The following SLC16A2 variants were observed in gnomAD, a reference collection of about 807,000 sequenced individuals.
SLC16A2 encodes the protein solute carrier family 16 member 2, also known as monocarboxylate transporter 8.
A neutral mutation model predicts 27.2 loss-of-function variants in SLC16A2; 3 were observed. The ratio of observed to expected loss-of-function variants is 0.11; its 90% CI spans 0.05 to 0.28. The LOEUF (loss-of-function observed/expected upper bound fraction) is 0.28, where lower values mean the gene tolerates loss of function less well. Among genes scored for constraint, SLC16A2 ranks in the 10% least tolerant of loss-of-function variants. The pLI, the probability that SLC16A2 is intolerant of heterozygous loss-of-function variation, is 1.00. For synonymous variants in SLC16A2, 202 were observed against 187.8 expected, an observed-to-expected ratio of 1.08 and a Z score of -0.62; for missense variants, 295 against 458.5, an observed-to-expected ratio of 0.64 and a Z score of 3.26.
intron 1 of SLC16A2, among the ~76,000 whole-genome samples, chrX:74,498,151 T>C (rs1379758713): frequency 9.0e-6 from 1 of 111,511 alleles, no homozygotes; most frequent in African/African-American, 3.3e-5. Context: ...GTAAAACTAA[T>C]GAAAGGCCAC....
intron 1 of SLC16A2, among the ~76,000 whole-genome samples, chrX:74,474,748 C>T (rs1209682506): frequency 3.0e-4 from 33 of 108,641 alleles, no homozygotes; most frequent in African/African-American, 9.0e-4. Context: ...TTTGTCCTTG[C>T]GATAGTTTGC....
At chrX:74,452,339 C>T (rs1928958705) in intron 1 of SLC16A2, among the ~76,000 whole-genome samples, 1 of 111,978 alleles carries the variant, frequency 8.9e-6, no homozygotes, top group African/African-American at 3.2e-5. Flanking sequence ...ATGCCAAAGG[C>T]TCAGGTACCT....
chrX:74,507,511 C>G lies in SLC16A2; in HGVS notation c.431-13479C>G, dbSNP rs777518817. Among the ~76,000 whole-genome samples, 3 of 111,464 alleles carry G rather than the reference C, an allele frequency of 2.7e-5. No homozygotes were observed. In the East Asian group the frequency reaches 8.5e-4, roughly 31 times the overall value. On this transcript the variant is annotated intron_variant, in intron 1 of 5. Transcript: ENST00000587091. ...CAGAACTACCATTCAATCCAGCAACCCTGCTACTGAGTATCTACTCAAAGG... is the reference window on the plus strand; with the variant it reads ...CAGAACTACCATTCAATCCAGCAACGCTGCTACTGAGTATCTACTCAAAGG...
rs779657001 is a variant in SLC16A2 at position 74,470,795 on chromosome X, G to A, written c.430+48728G>A. Among the ~76,000 whole-genome samples the A allele has an allele frequency of 1.1e-3, 127 of 110,593 alleles. 1 individual carries two copies. Among genetic ancestry groups the A allele is most frequent in the South Asian group, 2.7e-3 (7 of 2,574 alleles). On this transcript the variant is annotated intron_variant, in intron 1 of 5. Coordinates refer to ENST00000587091, the MANE Select transcript of SLC16A2 (RefSeq NM_006517.5). The stretch of plus-strand genomic sequence containing the variant: ...CTACTAAAAATACAAAAAATTAGCC[G>A]GGTGTGGTGGCGGCTACCTGTAGTC...
intron 1 of SLC16A2, among the ~76,000 whole-genome samples, chrX:74,430,007 G>C (rs1054539527): frequency 3.6e-5 from 4 of 111,959 alleles, no homozygotes; most frequent in African/African-American, 1.3e-4. Context: ...GTGGAGTTTC[G>C]TTGACATTTA....
chrX:74,440,214 C>T (rs1189332140), intron 1 of SLC16A2, among the ~76,000 whole-genome samples: 2 of 111,147 alleles, frequency 1.8e-5, no homozygotes, highest in Non-Finnish European at 3.8e-5. Flanking sequence ...AATTGGGACA[C>T]TTTTGAGGGT....
chrX:74,456,335 T>C (rs1220970652), intron 1 of SLC16A2, among the ~76,000 whole-genome samples: 1 of 111,343 alleles, frequency 9.0e-6, no homozygotes, highest in Admixed American at 9.6e-5. Context: ...TGAATTGAAA[T>C]ATGAGTTTCC....
chrX:74,422,534 G>A (rs1928327367), intron 1 of SLC16A2, among the ~76,000 whole-genome samples: 1 of 109,495 alleles, frequency 9.1e-6, no homozygotes, highest in Non-Finnish European at 1.9e-5. Flanking sequence ...GCAGCCCCCC[G>A]GTTCCTTTGG....
chrX:74,424,424 T>C (rs1225771462), intron 1 of SLC16A2, among the ~76,000 whole-genome samples: 1 of 111,524 alleles, frequency 9.0e-6, no homozygotes, highest in Admixed American at 9.5e-5. Context: ...TTTGCTGAGC[T>C]CTTCAACTTT....
chrX:74,449,117 C>A (rs1021070030), intron 1 of SLC16A2, among the ~76,000 whole-genome samples: 2 of 111,312 alleles, frequency 1.8e-5, no homozygotes, highest in Non-Finnish European at 3.8e-5. Context: ...CATTTTTGTG[C>A]GTTAAGATGA....
intron 1 of SLC16A2, among the ~76,000 whole-genome samples, chrX:74,509,583 A>C (rs1383355528): frequency 9.2e-6 from 1 of 108,869 alleles, no homozygotes; most frequent in Non-Finnish European, 1.9e-5. Flanking sequence ...CTTTTTTTTG[A>C]GATGGAGTCT....
In SLC16A2 at chrX:74,426,030, C is replaced by T. The variant is rs182324505; in HGVS notation, c.430+3963C>T. Among the ~76,000 whole-genome samples the T allele has an allele frequency of 3.3e-3, 369 of 111,819 alleles. 2 individuals are homozygous for T. Among genetic ancestry groups the T allele is most frequent in the African/African-American group, 0.012 (356 of 30,789 alleles). ...GCATGGGGAAGAATGATACACTCTG[C>T]CTTTGGGTGAACCAAGAGTCCCAAG... On this transcript the variant is annotated intron_variant, in intron 1 of 5. Coordinates refer to ENST00000587091, the MANE Select transcript of SLC16A2 (RefSeq NM_006517.5).
intron 1 of SLC16A2, among the ~76,000 whole-genome samples, chrX:74,458,330 T>C (rs1929071811): frequency 8.9e-6 from 1 of 111,923 alleles, no homozygotes; most frequent in Non-Finnish European, 1.9e-5. Context: ...ATTGTTTTGG[T>C]GTGGCGTAAA....
chrX:74,488,971 C>T (rs1929774229), intron 1 of SLC16A2, among the ~76,000 whole-genome samples: 1 of 111,336 alleles, frequency 9.0e-6, no homozygotes, highest in Admixed American at 9.6e-5. Context: ...TGGAAATTAC[C>T]CAGATACTTA....
chrX:74,521,428 C>G (rs781223255), intron 2 of SLC16A2, among the ~76,000 whole-genome samples: 7 of 112,270 alleles, frequency 6.2e-5, no homozygotes, highest in Non-Finnish European at 1.1e-4. Flanking sequence ...CACTGAATGG[C>G]AATGGAACAA....
chrX:74,528,461 C>T (rs1353659755), intron 4 of SLC16A2, among the ~76,000 whole-genome samples: 1 of 111,277 alleles, frequency 9.0e-6, no homozygotes, highest in Non-Finnish European at 1.9e-5. Flanking sequence ...AGCCCAGTGG[C>T]TAGTCAGTGT....
At chrX:74,511,504 C>A (rs1156950296) in intron 1 of SLC16A2, among the ~76,000 whole-genome samples, 4 of 112,477 alleles carry the variant, frequency 3.6e-5, no homozygotes, top group African/African-American at 1.3e-4. Flanking sequence ...ATATGGAATG[C>A]TTGGAAAGTA....
In SLC16A2 at chrX:74,508,791, A is replaced by G. The variant is rs1054316909; in HGVS notation, c.431-12199A>G. ...TGTGTCACGGGGGTTTGTTGTACAT[A>G]TTATTTTATCACCCAGGTATTAAGC... On this transcript the variant is annotated intron_variant, in intron 1 of 5. Coordinates refer to ENST00000587091, the MANE Select transcript of SLC16A2 (RefSeq NM_006517.5). 2.7e-5 allele frequency among the ~76,000 whole-genome samples: 3 copies of G among 111,419 alleles called. No homozygotes were observed. In the Admixed American group the frequency reaches 2.9e-4, roughly 11 times the overall value.
At chrX:74,475,765 A>G (rs1929464159) in intron 1 of SLC16A2, among the ~76,000 whole-genome samples, 1 of 111,540 alleles carries the variant, frequency 9.0e-6, no homozygotes, top group Non-Finnish European at 1.9e-5. Context: ...TGTTTTTCTC[A>G]GGTTTGTCAA....
Sources: gnomAD v4.1 joint callset for allele counts (sites outside exome capture counted in the v4.1 genomes callset) on GRCh38, gnomAD v4.1.1 for gene constraint, MANE v1.5 for transcripts, NCBI Gene and HGNC (gene_info 2026-07-23, HGNC 2026-07-21) for gene names.